Variants in CHST9 observed in about 807,000 individuals in gnomAD.
The protein encoded by CHST9 is GalNAc-4-sulfotransferase 2.
Under a neutral mutation model 44.4 loss-of-function variants are expected in CHST9, and 41 were observed. The ratio of observed to expected loss-of-function variants is 0.92; its 90% CI spans 0.72 to 1.20. CHST9 has a LOEUF of 1.20. Among genes scored for constraint, CHST9 ranks in the 50% most tolerant of loss-of-function variants. The pLI is 0.00. For synonymous variants in CHST9, 171 were observed against 178.4 expected, an observed-to-expected ratio of 0.96 and a Z score of 0.33; for missense variants, 504 against 516.5, an observed-to-expected ratio of 0.98 and a Z score of 0.23.
At chr18:26,991,766 G>A (rs1052576032) in intron 4 of CHST9, among the ~76,000 whole-genome samples, 1 of 128,202 alleles carries the variant, frequency 7.8e-6, no homozygotes, top group South Asian at 2.4e-4. Context: ...GTTTCTGACA[G>A]GTCTGATGAA....
At chr18:27,131,355 G>A (rs2058470079) in intron 2 of CHST9, among the ~76,000 whole-genome samples, 1 of 151,122 alleles carries the variant, frequency 6.6e-6, no homozygotes, top group Admixed American at 6.6e-5. Context: ...TTCGAGACCA[G>A]CCTGGCCAAC....
intron 1 of CHST9, among the ~76,000 whole-genome samples, chr18:27,177,901 T>G (rs1030558562): frequency 6.6e-6 from 1 of 152,034 alleles, no homozygotes; most frequent in Admixed American, 6.6e-5. Flanking sequence ...CCAATAAAAT[T>G]TCACTGCCTA....
intron 4 of CHST9, among the ~76,000 whole-genome samples, chr18:26,980,101 C>A (rs2056673614): frequency 6.6e-6 from 1 of 152,068 alleles, no homozygotes; most frequent in Non-Finnish European, 1.5e-5. Flanking sequence ...ACTCTTTCCT[C>A]CAGGAAGCCA....
At chr18:26,924,483 G>A (rs2055725269) in intron 5 of CHST9, 1 of 246,656 alleles carries the variant, frequency 4.1e-6, no homozygotes, top group African/African-American at 2.3e-5. Flanking sequence ...TGGTGGAGGT[G>A]CAGCTGGATT....
intron 4 of CHST9, among the ~76,000 whole-genome samples, chr18:26,950,528 A>C (rs2056230756): frequency 6.6e-6 from 1 of 152,238 alleles, no homozygotes; most frequent in African/African-American, 2.4e-5. Context: ...ACACCGTGGA[A>C]TACTACTCAG....
chr18:26,993,764 C>G (rs2056852480), intron 4 of CHST9, among the ~76,000 whole-genome samples: 1 of 152,188 alleles, frequency 6.6e-6, no homozygotes, highest in Non-Finnish European at 1.5e-5. Context: ...CATTTGGAAA[C>G]TGTGAACTGA....
intron 4 of CHST9, among the ~76,000 whole-genome samples, chr18:26,954,234 C>A (rs1352605397): frequency 6.6e-6 from 1 of 152,158 alleles, no homozygotes; most frequent in Admixed American, 6.5e-5. Flanking sequence ...TATGAAAAGG[C>A]ACAGGACGAG....
chr18:27,018,876 T>C (rs1411589681), intron 4 of CHST9, among the ~76,000 whole-genome samples: 2 of 152,136 alleles, frequency 1.3e-5, no homozygotes, highest in African/African-American at 2.4e-5. Flanking sequence ...TGGACACTTA[T>C]GAGATGGGTA....
In CHST9 at chr18:27,043,083, G is replaced by C. The variant is rs796256791; in HGVS notation, c.160+5382C>G. Among the ~76,000 whole-genome samples, 18 of 152,172 alleles carry C rather than the reference G, an allele frequency of 1.2e-4. 1 individual carries two copies. The highest frequency in any genetic ancestry group is 4.1e-4 in the African/African-American group (17 of 41,544). Reference sequence around the variant, plus strand: ...TCTGTCTTTCTTGGATTCAGAGACAGAGAATGCTGTTGATTCTCACAGGAC... The same window carrying C: ...TCTGTCTTTCTTGGATTCAGAGACACAGAATGCTGTTGATTCTCACAGGAC... On this transcript the variant is annotated intron_variant, in intron 3 of 5. Transcript: ENST00000618847.
At chr18:26,999,221 CTG>C (rs2056921162) in intron 4 of CHST9, among the ~76,000 whole-genome samples, 1 of 152,164 alleles carries the variant, frequency 6.6e-6, no homozygotes, top group Non-Finnish European at 1.5e-5. Flanking sequence ...TCAGATATGG[CTG>C]TCGATTTATG....
intron 2 of CHST9, among the ~76,000 whole-genome samples, chr18:27,074,747 G>A (rs918244737): frequency 2.7e-5 from 4 of 150,384 alleles, no homozygotes; most frequent in African/African-American, 9.7e-5. Context: ...TATTGGTGAG[G>A]TTAGGAGAGT....
chr18:27,117,190 A>T (rs1025905380), intron 2 of CHST9, among the ~76,000 whole-genome samples: 1 of 152,178 alleles, frequency 6.6e-6, no homozygotes, highest in Non-Finnish European at 1.5e-5. Context: ...GATAGAAAAA[A>T]ATATATCTAC....
chr18:26,924,617 C>G, intron 5 of CHST9: 5 of 957,796 alleles, frequency 5.2e-6, no homozygotes, highest in Non-Finnish European at 6.2e-6. Flanking sequence ...ATCAAGGAGA[C>G]CTAATTGTCT....
At chr18:27,067,680 A>G (rs1381662263) in intron 2 of CHST9, among the ~76,000 whole-genome samples, 1 of 152,034 alleles carries the variant, frequency 6.6e-6, no homozygotes, top group African/African-American at 2.4e-5. Context: ...GCAGCTTTTT[A>G]AAAAGGAGTG....
At chr18:27,021,162 G>A (rs1013189420) in intron 4 of CHST9, among the ~76,000 whole-genome samples, 1 of 152,162 alleles carries the variant, frequency 6.6e-6, no homozygotes, top group African/African-American at 2.4e-5. Context: ...GTTGGGATGT[G>A]AGACAAGGGT....
chr18:26,917,881 T>TTC (rs1444626158), intron 5 of CHST9, among the ~76,000 whole-genome samples: 1 of 151,948 alleles, frequency 6.6e-6, no homozygotes, highest in Non-Finnish European at 1.5e-5. Context: ...ATGTATTTTT[T>TTC]TTTTCCTGGG....
At chr18:26,992,477 G>A (rs1054173764) in intron 4 of CHST9, among the ~76,000 whole-genome samples, 2 of 152,184 alleles carry the variant, frequency 1.3e-5, no homozygotes, top group African/African-American at 2.4e-5. Flanking sequence ...ATACAGACTA[G>A]TTTTACTTAG....
rs1391807225 is a variant in CHST9 at position 26,909,914 on chromosome 18, T to G, written c.*6345A>C. On this transcript the variant is annotated 3_prime_UTR_variant, in exon 6 of 6. Transcript: ENST00000618847. ...CAGGAAGTAGGGTGGAGAGGCATGT[T>G]ATAAATCAGAAAGAAGAATCTTCGG... The G allele has an allele frequency of 6.6e-6, 1 of 152,170 alleles. No individual in the cohort carries two copies. Among genetic ancestry groups the G allele is most frequent in the Non-Finnish European group, 1.5e-5 (1 of 68,064 alleles). 9.4% of individuals were successfully genotyped at this position (152,170 alleles called of 1,614,324 possible). A position where few individuals can be genotyped will look rare whatever the true frequency, so the allele number is the denominator to read the frequency against.
chr18:26,969,520 T>C (rs2056514067), intron 4 of CHST9, among the ~76,000 whole-genome samples: 1 of 152,140 alleles, frequency 6.6e-6, no homozygotes, highest in African/African-American at 2.4e-5. Flanking sequence ...TTCCACAAAA[T>C]AGTTCTTGAA....
Sources: gnomAD v4.1 joint callset for allele counts (sites outside exome capture counted in the v4.1 genomes callset) on GRCh38, gnomAD v4.1.1 for gene constraint, MANE v1.5 for transcripts, NCBI Gene and HGNC (gene_info 2026-07-23, HGNC 2026-07-21) for gene names.